Variants in USP22 observed in about 807,000 individuals in gnomAD.
USP22 encodes the protein ubiquitin specific peptidase 22.
USP22 carries 22 observed loss-of-function variants against 68.1 expected under a neutral mutation model. The observed-to-expected ratio is 0.32, with a 90% CI of 0.23 to 0.46. The LOEUF (loss-of-function observed/expected upper bound fraction) is 0.46. Among genes scored for constraint, USP22 ranks in the 20% least tolerant of loss-of-function variants. The probability of loss-of-function intolerance (pLI) is 1.00; values close to 1 mark genes in which losing one functional copy is unlikely to be tolerated. For synonymous variants in USP22, 279 were observed against 274.2 expected, an observed-to-expected ratio of 1.02 and a Z score of -0.17; for missense variants, 433 against 695.8, an observed-to-expected ratio of 0.62 and a Z score of 4.25.
At chr17:21,008,717 C>G (rs1025170276) in intron 8 of USP22, among the ~76,000 whole-genome samples, 3 of 151,938 alleles carry the variant, frequency 2.0e-5, no homozygotes, top group African/African-American at 7.3e-5. Flanking sequence ...ATCGGGGGAC[C>G]GGGGTAAAGG....
At position 21,019,837 on chromosome 17, in the gene USP22, A is replaced by G. The variant is rs1972132029; in HGVS notation, c.419-652T>C. Among the ~76,000 whole-genome samples, 4 of 152,386 alleles carry G rather than the reference A, an allele frequency of 2.6e-5. 1 individual carries two copies. The South Asian group carries it at 8.3e-4, about 32-fold the overall frequency. ...TATAAAATGATTCTAGAAGAATTCC[A>G]TTTTAATCCTGGACATACATTTCTT... is the stretch of plus-strand genomic sequence containing the variant. On this transcript the variant is annotated intron_variant, in intron 3 of 12. Coordinates refer to ENST00000261497, the MANE Select transcript of USP22 (RefSeq NM_015276.2).
chr17:21,019,211 G>A (rs747014818), intron 3 of USP22, 26 bp from the exon 4 acceptor site: 4 of 1,604,006 alleles, frequency 2.5e-6, no homozygotes, highest in Non-Finnish European at 8.5e-7. Flanking sequence ...ACAGTTCCAA[G>A]CGCTATTAGC....
chr17:21,038,103 G>A (rs991734952), intron 1 of USP22, among the ~76,000 whole-genome samples: 1 of 152,114 alleles, frequency 6.6e-6, no homozygotes, highest in East Asian at 1.9e-4. Context: ...ATTCCTCAAA[G>A]AAACAAAGTT....
chr17:21,015,388 G>C (rs1567793007), intron 6 of USP22, among the ~76,000 whole-genome samples: 1 of 152,150 alleles, frequency 6.6e-6, no homozygotes, highest in Non-Finnish European at 1.5e-5. Context: ...TTGTGTTTGG[G>C]GGATGTCCAG....
chr17:21,020,590 A>G (rs1377193351), intron 3 of USP22, among the ~76,000 whole-genome samples: 1 of 152,232 alleles, frequency 6.6e-6, no homozygotes, highest in Non-Finnish European at 1.5e-5. Flanking sequence ...AGAGTTTTAA[A>G]AGAGATTCTA....
chr17:21,023,691 CGT>C (rs1383078226), intron 2 of USP22, among the ~76,000 whole-genome samples: 1 of 151,334 alleles, frequency 6.6e-6, no homozygotes, highest in Non-Finnish European at 1.5e-5. Flanking sequence ...CTTAAATCCA[CGT>C]GATGTCAGAC....
At chr17:21,039,414 C>A (rs949911579) in intron 1 of USP22, among the ~76,000 whole-genome samples, 7 of 151,440 alleles carry the variant, frequency 4.6e-5, no homozygotes, top group South Asian at 2.1e-4. Flanking sequence ...CCCATCTCTA[C>A]GAAAAATACA....
intron 1 of USP22, among the ~76,000 whole-genome samples, chr17:21,033,256 A>T (rs1972314727): frequency 6.6e-6 from 1 of 152,186 alleles, no homozygotes; most frequent in Non-Finnish European, 1.5e-5. Context: ...TTCTCCTATA[A>T]ATTAATTCAA....
intron 1 of USP22, among the ~76,000 whole-genome samples, chr17:21,037,210 C>T (rs752912363): frequency 6.6e-6 from 1 of 152,156 alleles, no homozygotes; most frequent in Non-Finnish European, 1.5e-5. Flanking sequence ...AATAAACACA[C>T]GAGTGAGGAT....
chr17:21,027,587 GCTGTT>G (rs1445099177), intron 2 of USP22, among the ~76,000 whole-genome samples: 1 of 152,178 alleles, frequency 6.6e-6, no homozygotes, highest in African/African-American at 2.4e-5. Flanking sequence ...GCTTGAAAAT[GCTGTT>G]CTGAAGGATA....
At chr17:21,009,179 T>C (rs1305191776) in intron 8 of USP22, among the ~76,000 whole-genome samples, 1 of 149,394 alleles carries the variant, frequency 6.7e-6, no homozygotes, top group Non-Finnish European at 1.5e-5. Flanking sequence ...GAGGGCTGCA[T>C]CAGAAGCGTG....
chr17:21,035,326 G>A (rs948501063), intron 1 of USP22, among the ~76,000 whole-genome samples: 3 of 152,114 alleles, frequency 2.0e-5, no homozygotes, highest in Non-Finnish European at 4.4e-5. Flanking sequence ...TACAGGTACT[G>A]GCCAACATAA....
chr17:21,023,193 G>A (rs916910290), intron 2 of USP22, among the ~76,000 whole-genome samples: 1 of 152,140 alleles, frequency 6.6e-6, no homozygotes, highest in Admixed American at 6.5e-5. Context: ...GAGAGTGGGA[G>A]AAGGGAGAGG....
At chr17:21,005,549 T>C (rs572117640) in intron 10 of USP22, among the ~76,000 whole-genome samples, 60 of 152,324 alleles carry the variant, frequency 3.9e-4, no homozygotes, top group African/African-American at 1.3e-3. Context: ...TTTGAGACCC[T>C]GACCTTAGAA....
chr17:21,017,875 A>C (rs1972107914), intron 5 of USP22, 67 bp downstream of exon 5: 1 of 1,585,910 alleles, frequency 6.3e-7, no homozygotes. Flanking sequence ...GTCCACCTTA[A>C]ATTTTTTTTT....
chr17:21,036,108 G>A (rs993111452), intron 1 of USP22, among the ~76,000 whole-genome samples: 1 of 141,808 alleles, frequency 7.1e-6, no homozygotes, highest in Admixed American at 7.1e-5. Context: ...CTAGACAAAA[G>A]AAGCCAGTAT....
intron 6 of USP22, among the ~76,000 whole-genome samples, chr17:21,015,151 G>A (rs568178790): frequency 1.9e-4 from 29 of 152,254 alleles, no homozygotes; most frequent in African/African-American, 7.0e-4. Flanking sequence ...CACCTCCAGC[G>A]CTAAGAGCTG....
At chr17:21,010,109 A>G (rs1206093078) in intron 8 of USP22, among the ~76,000 whole-genome samples, 5 of 152,164 alleles carry the variant, frequency 3.3e-5, no homozygotes, top group Non-Finnish European at 7.4e-5. Flanking sequence ...GGTTGCAGTG[A>G]GCTATGATGG....
At chr17:21,030,419 C>T (rs1024204430) in intron 1 of USP22, among the ~76,000 whole-genome samples, 17 of 151,904 alleles carry the variant, frequency 1.1e-4, no homozygotes, top group Non-Finnish European at 2.2e-4. Flanking sequence ...TGCATGCACA[C>T]GTGTACTTGT....
Sources: gnomAD v4.1 joint callset for allele counts (sites outside exome capture counted in the v4.1 genomes callset) on GRCh38, gnomAD v4.1.1 for gene constraint, MANE v1.5 for transcripts, NCBI Gene and HGNC (gene_info 2026-07-23, HGNC 2026-07-21) for gene names.